Variants in NAALADL2 observed in about 807,000 individuals in gnomAD.
NAALADL2 encodes the protein N-acetylated alpha-linked acidic dipeptidase like 2.
Under a neutral mutation model 87.2 loss-of-function variants are expected in NAALADL2, and 76 were observed. The ratio of observed to expected loss-of-function variants is 0.87; its 90% confidence interval spans 0.72 to 1.05. NAALADL2 has a LOEUF of 1.05. NAALADL2 is among the 50% of genes least tolerant of loss of function. NAALADL2 has a pLI of 0.00. For missense variants in NAALADL2, 1,089 were observed against 945.8 expected (o/e 1.15, Z -1.99); for synonymous variants, 354 against 331.0 (o/e 1.07, Z -0.75).
intron 2 of NAALADL2, among the ~76,000 whole-genome samples, chr3:174,697,316 A>G (rs1446801523): frequency 6.6e-6 from 1 of 152,224 alleles, no homozygotes; most frequent in Admixed American, 6.5e-5. Context: ...TCAACTTTGT[A>G]TACAACATAA....
At chr3:175,359,012 A>G (rs1764691316) in intron 5 of NAALADL2, among the ~76,000 whole-genome samples, 1 of 152,100 alleles carries the variant, frequency 6.6e-6, no homozygotes, top group Admixed American at 6.6e-5. Flanking sequence ...CTAGGGTTCT[A>G]AATGCTGGCT....
At chr3:174,619,299 C>A (rs561806775) in intron 2 of NAALADL2, among the ~76,000 whole-genome samples, 2 of 152,026 alleles carry the variant, frequency 1.3e-5, no homozygotes, top group South Asian at 4.1e-4. Flanking sequence ...TTTTCAATCC[C>A]AGCACCATGG....
chr3:174,622,127 T>C (rs950099340), intron 2 of NAALADL2, among the ~76,000 whole-genome samples: 1 of 152,120 alleles, frequency 6.6e-6, no homozygotes, highest in African/African-American at 2.4e-5. Context: ...GCTGTTCTTT[T>C]TGCTATAACT....
intron 2 of NAALADL2, among the ~76,000 whole-genome samples, chr3:174,561,031 C>T (rs1033424868): frequency 1.3e-5 from 2 of 152,188 alleles, no homozygotes; most frequent in African/African-American, 4.8e-5. Context: ...GGTATAGGAA[C>T]AACTATAGCA....
chr3:175,104,005 G>C (rs1049300573), intron 2 of NAALADL2, among the ~76,000 whole-genome samples: 1 of 152,080 alleles, frequency 6.6e-6, no homozygotes, highest in Non-Finnish European at 1.5e-5. Context: ...AAGCACCTGG[G>C]CTGCTTTCCT....
intron 1 of NAALADL2, among the ~76,000 whole-genome samples, chr3:174,876,832 T>TA (rs1728567345): frequency 6.6e-6 from 1 of 152,116 alleles, no homozygotes; most frequent in African/African-American, 2.4e-5. Context: ...TAAAACAAAA[T>TA]ACCATAGATT....
intron 5 of NAALADL2, among the ~76,000 whole-genome samples, chr3:175,406,220 A>G (rs946509192): frequency 2.0e-5 from 3 of 152,358 alleles, no homozygotes; most frequent in Non-Finnish European, 4.4e-5. Context: ...GTTGGGCAGG[A>G]AGAAAATTAT....
At chr3:175,036,716 T>A (rs1478551611) in intron 1 of NAALADL2, among the ~76,000 whole-genome samples, 22 of 152,000 alleles carry the variant, frequency 1.4e-4, no homozygotes, top group African/African-American at 5.3e-4. Context: ...CACACTTTTT[T>A]AACTTGATGT....
At chr3:174,652,336 C>T (rs1724448504) in intron 2 of NAALADL2, among the ~76,000 whole-genome samples, 1 of 151,730 alleles carries the variant, frequency 6.6e-6, no homozygotes, top group Admixed American at 6.6e-5. Flanking sequence ...TTAAATGGGA[C>T]ACTGAAAACA....
intron 1 of NAALADL2, among the ~76,000 whole-genome samples, chr3:174,503,031 A>G (rs929632785): frequency 2.7e-5 from 4 of 150,148 alleles, no homozygotes; most frequent in African/African-American, 1.0e-4. Flanking sequence ...CCATCTGAAA[A>G]AAAAAAAAAC....
At chr3:174,918,811 A>C (rs548917542) in intron 1 of NAALADL2, among the ~76,000 whole-genome samples, 1 of 152,332 alleles carries the variant, frequency 6.6e-6, no homozygotes. Flanking sequence ...GAGAGTAACC[A>C]TGAGTTGCAT....
chr3:174,534,575 A>G (rs1468848844), intron 1 of NAALADL2, among the ~76,000 whole-genome samples: 1 of 152,186 alleles, frequency 6.6e-6, no homozygotes, highest in Non-Finnish European at 1.5e-5. Flanking sequence ...TGTATACAAC[A>G]ACAGGAAACA....
chr3:175,334,143 G>A (rs977831463), intron 5 of NAALADL2, among the ~76,000 whole-genome samples: 13 of 151,914 alleles, frequency 8.6e-5, no homozygotes, highest in Admixed American at 3.3e-4. Context: ...GATCCTTTTC[G>A]TAGAAAAAGA....
intron 13 of NAALADL2, among the ~76,000 whole-genome samples, chr3:175,800,031 T>G (rs9290568): frequency 6.6e-6 from 1 of 152,112 alleles, no homozygotes; most frequent in African/African-American, 2.4e-5. Flanking sequence ...TATTTATTTA[T>G]TGAATATATA....
chr3:175,632,306 C>CTG (rs1420116884), intron 11 of NAALADL2, among the ~76,000 whole-genome samples: 1 of 142,424 alleles, frequency 7.0e-6, no homozygotes, highest in East Asian at 2.0e-4. Context: ...CTCTCTCTCT[C>CTG]TCTCCTACTC....
intron 9 of NAALADL2, among the ~76,000 whole-genome samples, chr3:175,544,802 G>T (rs1490452451): frequency 6.6e-6 from 1 of 151,924 alleles, no homozygotes; most frequent in Admixed American, 6.6e-5. Flanking sequence ...TGAAAATCCA[G>T]TGTTCACCTA....
At chr3:175,535,418 A>G (rs1247196534) in intron 9 of NAALADL2, among the ~76,000 whole-genome samples, 2 of 152,006 alleles carry the variant, frequency 1.3e-5, no homozygotes, top group Non-Finnish European at 2.9e-5. Flanking sequence ...CTCTCCTGCT[A>G]CTCTCCACGA....
intron 13 of NAALADL2, among the ~76,000 whole-genome samples, chr3:175,794,795 A>G (rs1043080661): frequency 2.0e-5 from 3 of 152,208 alleles, no homozygotes; most frequent in Non-Finnish European, 2.9e-5. Context: ...TATTTAAAAA[A>G]ATTATGCTGT....
At chr3:175,674,278 G>A (rs79729799) in intron 11 of NAALADL2, among the ~76,000 whole-genome samples, 2 of 132,412 alleles carry the variant, frequency 1.5e-5, no homozygotes, top group Non-Finnish European at 3.2e-5. Context: ...TGTTTTTTTT[G>A]AGTTGGAGTC....
Sources: allele counts gnomAD v4.1 joint callset (sites outside exome capture counted in the v4.1 genomes callset), GRCh38; gene constraint gnomAD v4.1.1; transcripts MANE v1.5; gene names NCBI Gene and HGNC (gene_info 2026-07-23, HGNC 2026-07-21).